Variants in TNIK observed in about 807,000 individuals in gnomAD.
The protein encoded by TNIK is TRAF2 and NCK-interacting protein kinase.
In TNIK, 49 loss-of-function variants were observed where a neutral mutation model predicts 191.3. The observed-to-expected ratio is 0.26, with a 90% confidence interval of 0.20 to 0.32. TNIK has a LOEUF of 0.32. Among genes scored for constraint, TNIK ranks in the 10% least tolerant of loss-of-function variants. The pLI is 1.00. For synonymous variants in TNIK, 594 were observed against 600.9 expected, an observed-to-expected ratio of 0.99 and a Z score of 0.17; for missense variants, 1,155 against 1,702.3, an observed-to-expected ratio of 0.68 and a Z score of 5.66.
chr3:171,345,488 A>G (rs995116127), intron 2 of TNIK, among the ~76,000 whole-genome samples: 4 of 152,086 alleles, frequency 2.6e-5, no homozygotes, highest in Admixed American at 1.3e-4. Context: ...TGGTAGTTAA[A>G]TCTTAGGCTC....
intron 7 of TNIK, among the ~76,000 whole-genome samples, chr3:171,183,950 A>G (rs1443651016): frequency 1.3e-5 from 2 of 149,838 alleles, no homozygotes; most frequent in African/African-American, 4.9e-5. Flanking sequence ...AAAAGGCCCC[A>G]AATAGCAATA....
intron 7 of TNIK, among the ~76,000 whole-genome samples, chr3:171,187,592 G>A (rs1318102297): frequency 6.6e-6 from 1 of 152,106 alleles, no homozygotes; most frequent in African/African-American, 2.4e-5. Flanking sequence ...CAAATATACT[G>A]TTCAATTGAT....
At chr3:171,181,178 A>C (rs906471284) in intron 7 of TNIK, among the ~76,000 whole-genome samples, 3 of 152,234 alleles carry the variant, frequency 2.0e-5, no homozygotes, top group Non-Finnish European at 4.4e-5. Flanking sequence ...TCCGAATTCA[A>C]ATAGAGGTTT....
intron 1 of TNIK, among the ~76,000 whole-genome samples, chr3:171,413,942 A>T (rs919239649): frequency 2.0e-5 from 3 of 152,240 alleles, no homozygotes; most frequent in Non-Finnish European, 2.9e-5. Flanking sequence ...CTGGTAATAT[A>T]TAAGTGCTCA....
In TNIK at chr3:171,236,673, G is replaced by C. The variant is rs190460829; in HGVS notation, c.124-8452C>G. 1.2e-4 allele frequency among the ~76,000 whole-genome samples: 18 copies of C among 152,308 alleles called. No homozygotes were observed. In the East Asian group the frequency reaches 3.3e-3, roughly 28 times the overall value. The stretch of plus-strand genomic sequence containing the variant: ...TGGAGAAACAGGGTTCATTTTTAAA[G>C]ATTTCAAATCAATAGCTCCCTCTCT... On this transcript the variant is annotated intron_variant, in intron 2 of 32. Coordinates refer to ENST00000436636, the MANE Select transcript of TNIK (RefSeq NM_015028.4).
intron 30 of TNIK, among the ~76,000 whole-genome samples, chr3:171,067,563 G>A (rs1048574972): frequency 2.6e-5 from 4 of 151,850 alleles, no homozygotes; most frequent in South Asian, 2.1e-4. Context: ...CCAGCTACTC[G>A]GGAGGCTGAG....
chr3:171,214,562 T>C (rs1741237811), intron 3 of TNIK, among the ~76,000 whole-genome samples: 2 of 152,202 alleles, frequency 1.3e-5, no homozygotes, highest in Admixed American at 1.3e-4. Context: ...TTCCAAATCT[T>C]AAGTATTAAG....
chr3:171,225,828 A>T (rs1158424924), intron 3 of TNIK: 1 of 342,038 alleles, frequency 2.9e-6, no homozygotes, highest in Non-Finnish European at 5.7e-6. Context: ...GGAACTCTCA[A>T]CTGTAGTTCT....
chr3:171,339,268 G>A (rs1340532155), intron 2 of TNIK, among the ~76,000 whole-genome samples: 3 of 152,230 alleles, frequency 2.0e-5, no homozygotes, highest in Admixed American at 6.5e-5. Flanking sequence ...AGATGCACTT[G>A]TAGGCTCTAC....
chr3:171,206,009 C>T (rs1023511517), intron 4 of TNIK, among the ~76,000 whole-genome samples: 4 of 152,092 alleles, frequency 2.6e-5, no homozygotes, highest in Non-Finnish European at 4.4e-5. Context: ...ATGTTTAGTC[C>T]ATAACACATT....
At chr3:171,085,096 A>T in intron 25 of TNIK, 22 bp downstream of exon 25, 1 of 1,577,522 alleles carries the variant, frequency 6.3e-7, no homozygotes, top group Non-Finnish European at 8.6e-7. Context: ...TGTTTTTTAA[A>T]CACAGGGCCC....
At chr3:171,089,454 T>A (rs1201169154) in intron 23 of TNIK, among the ~76,000 whole-genome samples, 2 of 152,188 alleles carry the variant, frequency 1.3e-5, no homozygotes, top group South Asian at 2.1e-4. Flanking sequence ...TGTCATCTCT[T>A]TGGAATTTTT....
At chr3:171,218,906 A>G (rs1741827839) in intron 3 of TNIK, among the ~76,000 whole-genome samples, 1 of 135,486 alleles carries the variant, frequency 7.4e-6, no homozygotes, top group Non-Finnish European at 1.5e-5. Context: ...TTACATATTT[A>G]TATTAAATAT....
chr3:171,313,612 T>C (rs958019272), intron 2 of TNIK, among the ~76,000 whole-genome samples: 2 of 152,174 alleles, frequency 1.3e-5, no homozygotes, highest in Admixed American at 6.6e-5. Context: ...GGTTCACTTA[T>C]GATTTTTTTA....
intron 4 of TNIK, among the ~76,000 whole-genome samples, chr3:171,200,273 T>C (rs1224602989): frequency 6.6e-6 from 1 of 151,948 alleles, no homozygotes; most frequent in Non-Finnish European, 1.5e-5. Flanking sequence ...GAAGGTCAAG[T>C]TGAAGGTGGT....
intron 1 of TNIK, among the ~76,000 whole-genome samples, chr3:171,391,925 G>A (rs1719563852): frequency 6.6e-6 from 1 of 152,064 alleles, no homozygotes; most frequent in South Asian, 2.1e-4. Flanking sequence ...GACACCTGTA[G>A]GACAATTTTT....
At chr3:171,349,775 A>G (rs1348095667) in intron 2 of TNIK, among the ~76,000 whole-genome samples, 1 of 152,212 alleles carries the variant, frequency 6.6e-6, no homozygotes, top group African/African-American at 2.4e-5. Context: ...AAAGCTATCC[A>G]TTCTTGCGTA....
At chr3:171,211,008 T>C (rs6444972) in intron 4 of TNIK, 108 bp downstream of exon 4, 1,002,770 of 1,389,838 alleles carry the variant, frequency 0.72, 364,217 homozygotes, top group East Asian at 0.89. Context: ...TGGGGGCTAA[T>C]GGTTAAAGAA....
chr3:171,082,858 G>A (rs1299407160), intron 26 of TNIK, among the ~76,000 whole-genome samples: 2 of 152,086 alleles, frequency 1.3e-5, no homozygotes, highest in Non-Finnish European at 2.9e-5. Context: ...ATGGAAGAAA[G>A]GCCCTTCCTC....
Sources: allele counts gnomAD v4.1 joint callset (sites outside exome capture counted in the v4.1 genomes callset), GRCh38; gene constraint gnomAD v4.1.1; transcripts MANE v1.5; gene names NCBI Gene and HGNC (gene_info 2026-07-23, HGNC 2026-07-21).